Variants in MTA3 observed in about 807,000 individuals in gnomAD.
MTA3 encodes metastasis-associated protein MTA3.
A neutral mutation model predicts 83.5 loss-of-function variants in MTA3; 34 were observed. The observed-to-expected ratio is 0.41, with a 90% CI of 0.31 to 0.54. MTA3 has a LOEUF of 0.54. MTA3 is among the 20% of genes least tolerant of loss of function. The pLI is 0.33. For missense variants in MTA3, 761 were observed against 726.4 expected (o/e 1.05, Z -0.55); for synonymous variants, 303 against 252.7 (o/e 1.20, Z -1.89).
chr2:42,647,164 A>AAAACAAAAAAAAAC (rs1433834048), intron 6 of MTA3, among the ~76,000 whole-genome samples: 2 of 151,254 alleles, frequency 1.3e-5, no homozygotes, highest in African/African-American at 4.9e-5. Flanking sequence ...CTAAAAAAAA[A>AAAACAAAAAAAAAC]AAACAAAAAA....
intron 16 of MTA3, among the ~76,000 whole-genome samples, chr2:42,745,034 T>G (rs1200635433): frequency 6.6e-6 from 1 of 152,238 alleles, no homozygotes; most frequent in African/African-American, 2.4e-5. Flanking sequence ...TTTCACTGTT[T>G]TCTGTTTTCC....
intron 3 of MTA3, among the ~76,000 whole-genome samples, chr2:42,605,039 G>C (rs28368919): frequency 0.14 from 20,306 of 149,900 alleles, 1,405 homozygotes; most frequent in African/African-American, 0.15. Context: ...CACCTTTCCC[G>C]CCTTTCTATT....
chr2:42,735,341 G>A (rs1668532031), intron 16 of MTA3, among the ~76,000 whole-genome samples: 1 of 152,080 alleles, frequency 6.6e-6, no homozygotes, highest in South Asian at 2.1e-4. Context: ...AGACATATTG[G>A]ATCTCCTTTG....
intron 2 of MTA3, among the ~76,000 whole-genome samples, chr2:42,514,682 C>CTGTGTTTTTTTTTTTT (rs1675057151): frequency 1.9e-5 from 1 of 53,492 alleles, no homozygotes. Flanking sequence ...CGCCCAGCCC[C>CTGTGTTTTTTTTTTTT]TTTTTTTTTT....
At chr2:42,551,392 C>T (rs940963241) in intron 2 of MTA3, among the ~76,000 whole-genome samples, 4 of 151,932 alleles carry the variant, frequency 2.6e-5, no homozygotes, top group Admixed American at 2.0e-4. Flanking sequence ...GGTTTCACCA[C>T]GTTGGCCACC....
intron 16 of MTA3, among the ~76,000 whole-genome samples, chr2:42,731,830 G>A (rs961247455): frequency 2.0e-5 from 3 of 152,162 alleles, no homozygotes; most frequent in African/African-American, 7.2e-5. Context: ...CTCCCTATGA[G>A]TCTGTAAAAT....
chr2:42,644,848 T>C (rs750076072), intron 6 of MTA3, among the ~76,000 whole-genome samples: 1 of 152,144 alleles, frequency 6.6e-6, no homozygotes, highest in Non-Finnish European at 1.5e-5. Context: ...GTGTTCTGAG[T>C]GCTCCACTGA....
intron 2 of MTA3, among the ~76,000 whole-genome samples, chr2:42,522,400 C>T (rs1047108823): frequency 1.3e-5 from 2 of 152,124 alleles, no homozygotes; most frequent in Non-Finnish European, 2.9e-5. Flanking sequence ...AATTTCGTTC[C>T]TTGCACCCAC....
chr2:42,643,081 T>C (rs1431586012), intron 5 of MTA3, among the ~76,000 whole-genome samples: 1 of 148,578 alleles, frequency 6.7e-6, no homozygotes, highest in African/African-American at 2.5e-5. Flanking sequence ...TTAAACTTTT[T>C]TCCTGACAGT....
At chr2:42,523,222 G>C (rs1199392294) in intron 2 of MTA3, among the ~76,000 whole-genome samples, 1 of 152,110 alleles carries the variant, frequency 6.6e-6, no homozygotes, top group Non-Finnish European at 1.5e-5. Flanking sequence ...GCCACCATGG[G>C]GTTGGATAGC....
chr2:42,739,857 A>G (rs537416354), intron 16 of MTA3, among the ~76,000 whole-genome samples: 2 of 152,372 alleles, frequency 1.3e-5, no homozygotes, highest in African/African-American at 4.8e-5. Context: ...ATCCGTAAGA[A>G]GCAACTACTC....
chr2:42,569,098 T>G (rs1678159853), intron 1 of MTA3, among the ~76,000 whole-genome samples: 1 of 151,854 alleles, frequency 6.6e-6, no homozygotes. Flanking sequence ...TCGAGCCCCC[T>G]GAGAAGGTGG....
intron 2 of MTA3, among the ~76,000 whole-genome samples, chr2:42,555,641 GC>G (rs1677348403): frequency 6.6e-6 from 1 of 150,584 alleles, no homozygotes. Context: ...GGTGGCAGGC[GC>G]CTGTAGTCCC....
chr2:42,558,820 G>T (rs1207579532), intron 2 of MTA3, among the ~76,000 whole-genome samples: 1 of 151,636 alleles, frequency 6.6e-6, no homozygotes, highest in Non-Finnish European at 1.5e-5. Flanking sequence ...CTCCCAAAGT[G>T]CTAGGATTAC....
At chr2:42,595,231 T>C (rs1444520250) in intron 3 of MTA3, among the ~76,000 whole-genome samples, 1 of 145,310 alleles carries the variant, frequency 6.9e-6, no homozygotes, top group Non-Finnish European at 1.5e-5. Flanking sequence ...TGCCTCAGCC[T>C]CCCGAGTAGC....
chr2:42,600,985 C>T lies in MTA3; in HGVS notation c.191-8473C>T, dbSNP rs1320505593. Among the ~76,000 whole-genome samples, 13 of 152,266 alleles carry T rather than the reference C, an allele frequency of 8.5e-5. No homozygotes were observed. In the East Asian group the frequency reaches 2.5e-3, roughly 29 times the overall value. ...GCAGTAGCGTGTTCTTGGCTCACTG[C>T]AACCTCCGCCTCCCGGGTTCAGGTA... On this transcript the variant is annotated intron_variant, in intron 3 of 16. Transcript: ENST00000405094.
At chr2:42,564,733 G>T (rs1001429074), upstream of MTA3, among the ~76,000 whole-genome samples, 2 of 152,100 alleles carry the variant, frequency 1.3e-5, no homozygotes, top group South Asian at 4.1e-4. Flanking sequence ...CCTGTCCTGG[G>T]TTCAGTATGA....
chr2:42,591,360 G>C (rs1344224162), intron 3 of MTA3, among the ~76,000 whole-genome samples: 1 of 152,216 alleles, frequency 6.6e-6, no homozygotes, highest in Non-Finnish European at 1.5e-5. Flanking sequence ...GTGAGTCAGT[G>C]AGTGAGTGGT....
intron 12 of MTA3, among the ~76,000 whole-genome samples, chr2:42,705,711 C>T (rs6753230): frequency 9.9e-5 from 15 of 151,852 alleles, no homozygotes; most frequent in Non-Finnish European, 2.1e-4. Context: ...GTCTCCCCCC[C>T]GCCCCCAAAA....
Sources: gnomAD v4.1 joint callset for allele counts (sites outside exome capture counted in the v4.1 genomes callset) on GRCh38, gnomAD v4.1.1 for gene constraint, MANE v1.5 for transcripts, NCBI Gene and HGNC (gene_info 2026-07-23, HGNC 2026-07-21) for gene names.